The following RABEP2 variants were observed in gnomAD, a reference collection of about 807,000 sequenced individuals.
RABEP2 encodes rab GTPase-binding effector protein 2.
Under a neutral mutation model 74.1 loss-of-function variants are expected in RABEP2, and 57 were observed. The ratio of observed to expected loss-of-function variants is 0.77; its 90% CI spans 0.62 to 0.96. RABEP2 has a LOEUF of 0.96. RABEP2 is among the 40% of genes least tolerant of loss of function. The pLI is 0.00. For missense variants in RABEP2, 692 were observed against 756.3 expected (o/e 0.91, Z 1.00); for synonymous variants, 351 against 344.0 (o/e 1.02, Z -0.23).
At chr16:28,920,382 T>C (rs1018257553) in intron 2 of RABEP2, among the ~76,000 whole-genome samples, 1 of 148,778 alleles carries the variant, frequency 6.7e-6, no homozygotes. Context: ...ATTATTATTA[T>C]TATTATTATT....
intron 5 of RABEP2, among the ~76,000 whole-genome samples, chr16:28,912,469 C>T (rs901606395): frequency 2.8e-5 from 4 of 145,322 alleles, no homozygotes; most frequent in African/African-American, 7.8e-5. Context: ...AGTGCAGTGG[C>T]GCACGATCTC....
chr16:28,925,050 G>A, intron 1 of RABEP2, 53 bp downstream of exon 1: 2 of 1,533,526 alleles, frequency 1.3e-6, no homozygotes, highest in Non-Finnish European at 1.8e-6. Context: ...GGCTGGCTCG[G>A]CCCCGCCCCC....
At chr16:28,911,856 G>A (rs763477909) in intron 5 of RABEP2, among the ~76,000 whole-genome samples, 4 of 152,092 alleles carry the variant, frequency 2.6e-5, no homozygotes, top group Non-Finnish European at 5.9e-5. Context: ...GGCTGAGGCA[G>A]GAGAATCGCT....
At chr16:28,905,943 C>A (rs1426815343) in intron 9 of RABEP2, 65 bp from the exon 10 acceptor site, 1 of 1,612,692 alleles carries the variant, frequency 6.2e-7, no homozygotes, top group African/African-American at 1.3e-5. Context: ...CTGCCCACGC[C>A]TGGGCCCCGG....
chr16:28,920,427 C>G (rs1467903869), intron 2 of RABEP2, among the ~76,000 whole-genome samples: 1 of 150,664 alleles, frequency 6.6e-6, no homozygotes, highest in African/African-American at 2.4e-5. Flanking sequence ...ACTCTGTCAC[C>G]CAGGCTGGGG....
chr16:28,912,406 C>CTTTTTT (rs58094012), intron 5 of RABEP2, among the ~76,000 whole-genome samples: 1 of 118,150 alleles, frequency 8.5e-6, no homozygotes, highest in Non-Finnish European at 1.7e-5. Flanking sequence ...TTCTTTCTTT[C>CTTTTTT]TTTTTTTTTT....
Position 28,919,847 on chromosome 16 carries a change from C to A in RABEP2, c.371G>T (p.Arg124Leu), listed in dbSNP as rs758567963. 1.2e-6 allele frequency: 2 copies of A among 1,611,776 alleles called. No individual in the cohort carries two copies. ...DCEEKERELG[R>L]LKQLLSRAYP... is the part of the protein sequence containing the mutation. ...GGCCCGGGACAGCAGCTGCTTCAGG[C>A]GGCCCAGCTCCCGCTCCTTCTCCTC... Residue 124 changes from arginine to leucine, a missense_variant, in exon 3 of 13, where the codon CGC (arginine) becomes CTC (leucine). Transcript: ENST00000358201.
At chr16:28,919,968 A>G (rs759233736) in intron 2 of RABEP2, 25 bp from the exon 3 acceptor site, 4 of 1,546,842 alleles carry the variant, frequency 2.6e-6, no homozygotes, top group Non-Finnish European at 2.6e-6. Context: ...GGAGGGTGGG[A>G]GAGAGGGAGG....
intron 7 of RABEP2, among the ~76,000 whole-genome samples, chr16:28,909,263 G>C (rs1013539631): frequency 7.9e-5 from 12 of 152,004 alleles, no homozygotes; most frequent in Admixed American, 6.6e-5. Context: ...TTTTAGTAGA[G>C]ACGGGGTTTC....
Position 28,914,569 on chromosome 16 carries a change from G to A in RABEP2, c.561C>T (p.Ala187=), listed in dbSNP as rs1964361350. Reference sequence around the variant, plus strand: ...ACTCCGTGGAGCCGTGCAGGGAAGGGGCATGCCGGGGACGTCTCTAGGGAA... The same window carrying A: ...ACTCCGTGGAGCCGTGCAGGGAAGGAGCATGCCGGGGACGTCTCTAGGGAA... ...IQEIQRRPRH[A]PSLHGSTELL... Residue 187 remains alanine, a synonymous_variant, in exon 5 of 13, where the codon GCC becomes GCT. Coordinates refer to ENST00000358201, the MANE Select transcript of RABEP2 (RefSeq NM_024816.3). 5.0e-6 allele frequency: 8 copies of A among 1,609,638 alleles called. No individual in the cohort carries two copies. Among genetic ancestry groups the A allele is most frequent in the East Asian group, 2.2e-5 (1 of 44,824 alleles).
intron 5 of RABEP2, among the ~76,000 whole-genome samples, chr16:28,913,005 C>T (rs1343274853): frequency 3.3e-5 from 5 of 151,942 alleles, no homozygotes; most frequent in African/African-American, 7.3e-5. Context: ...TCTTCTTGCC[C>T]GGGCTGGAGT....
Position 28,914,320 on chromosome 16 carries a change from G to A in RABEP2, c.810C>T (p.Gly270=), listed in dbSNP as rs752853347. Residue 270 remains glycine (G), a synonymous_variant, in exon 5 of 13, where the codon GGC becomes GGT. Transcript: ENST00000358201. The part of the protein sequence containing the change: ...QEETASLVST[G]TLVPEGIYLP... ...GGTAGATGCCCTCGGGAACCAGGGT[G>A]CCCGTAGACACCAGCGAGGCCGTCT... The A allele has an allele frequency of 3.1e-6, 5 of 1,613,236 alleles. No homozygotes were observed. In the South Asian group the frequency reaches 4.4e-5, roughly 14 times the overall value.
Position 28,905,377 on chromosome 16 carries a change from G to A in RABEP2, c.1608+20C>T, listed in dbSNP as rs149702191. On this transcript the variant is annotated intron_variant, in intron 12 of 12. Transcript: ENST00000358201. ...CCGGAGTGGAGCCAGCCAGCCTGGC[G>A]GGGCTGGGACAGGCCATACCTGCAG... 3.0e-4 allele frequency: 474 copies of A among 1,560,258 alleles called. 1 individual carries two copies. Among genetic ancestry groups the A allele is most frequent in the Middle Eastern group, 5.1e-4 (3 of 5,884 alleles).
chr16:28,922,729 GA>G (rs1222587754), intron 2 of RABEP2, among the ~76,000 whole-genome samples: 2 of 147,884 alleles, frequency 1.4e-5, no homozygotes, highest in African/African-American at 5.0e-5. Context: ...CATCTCAAAA[GA>G]AAAGAAAAAA....
rs1284405265 is a variant in RABEP2, at chr16:28,914,811, G to A, written c.433-29C>T. 1.9e-6 allele frequency: 3 copies of A among 1,600,258 alleles called. No homozygotes were observed. In the Admixed American group the frequency reaches 5.0e-5, roughly 27 times the overall value. ...GAGGGAGCGGGGTGTGGCAGCAATAGTTCCCCCTCCAAAGTGCTGAAGCCC... is the reference window on the plus strand; with the variant it reads ...GAGGGAGCGGGGTGTGGCAGCAATAATTCCCCCTCCAAAGTGCTGAAGCCC... On this transcript the variant is annotated intron_variant, in intron 3 of 12. Coordinates refer to ENST00000358201, the MANE Select transcript of RABEP2 (RefSeq NM_024816.3).
rs749050952 is a variant in RABEP2 at position 28,906,159 on chromosome 16, G to A, written c.1283C>T (p.Ala428Val). The change falls in exon 9 of 13, where the codon GCG (alanine) becomes GTG (valine). Residue 428 changes from alanine to valine, a missense_variant. Physicochemically the swap from Ala to Val is moderately conservative, Grantham distance 64. Coordinates refer to ENST00000358201, the MANE Select transcript of RABEP2 (RefSeq NM_024816.3). Reference protein sequence around the residue: ...QQLLCCTRQEARARLQAQEHG... With the variant: ...QQLLCCTRQEVRARLQAQEHG... ...CTCCTGGGCCTGCAGCCGGGCCCTCGCCTCTTGCCGCGTGCAGCACAGCAG... is the reference window on the plus strand; with the variant it reads ...CTCCTGGGCCTGCAGCCGGGCCCTCACCTCTTGCCGCGTGCAGCACAGCAG... 23 of 1,588,852 alleles carry A rather than the reference G, an allele frequency of 1.4e-5. No individual in the cohort carries two copies. The highest frequency in any genetic ancestry group is 5.3e-5 in the Admixed American group (3 of 56,214).
Position 28,919,816 on chromosome 16 carries a change from G to T in RABEP2, c.402C>A (p.Pro134=), listed in dbSNP as rs1291121737. The change falls in exon 3 of 13, where the codon CCC becomes CCA. Residue 134 remains proline (P), a synonymous_variant. Coordinates refer to ENST00000358201, the MANE Select transcript of RABEP2 (RefSeq NM_024816.3). ...RLKQLLSRAY[P]LDSLEKQMEK... is the part of the protein sequence containing the mutation. ...CCATCTGCTTCTCCAGGGAGTCCAG[G>T]GGGTAGGCCCGGGACAGCAGCTGCT... The T allele has an allele frequency of 4.3e-6, 7 of 1,610,960 alleles. No homozygotes were observed. Among genetic ancestry groups the T allele is most frequent in the Non-Finnish European group, 5.9e-6 (7 of 1,178,288 alleles).
intron 2 of RABEP2, among the ~76,000 whole-genome samples, chr16:28,922,535 C>T (rs1358669962): frequency 6.6e-6 from 1 of 151,966 alleles, no homozygotes; most frequent in African/African-American, 2.4e-5. Context: ...TCCTGGCTAA[C>T]ACAGTGAAAC....
At position 28,919,960 on chromosome 16, in the gene RABEP2, AGGGT is replaced by A; in HGVS notation, c.275-21_275-18del. 1 of 572,914 alleles carries A rather than the reference AGGGT, an allele frequency of 1.7e-6. No homozygotes were observed. Among genetic ancestry groups the A allele is most frequent in the Non-Finnish European group, 3.0e-6 (1 of 333,156 alleles). The allele number at this position is 572,914 out of a possible 1,614,324, so 35.5% of individuals were successfully genotyped here. ...TGATGGAGTCTGGTGGGGGAGAGGG[AGGGT>A]GGGAGAGAGGGAGGGTCAATGAGCC... On this transcript the variant is annotated intron_variant, in intron 2 of 12. Transcript: ENST00000358201.
Sources: gnomAD v4.1 joint callset for allele counts (sites outside exome capture counted in the v4.1 genomes callset) on GRCh38, gnomAD v4.1.1 for gene constraint, MANE v1.5 for transcripts, NCBI Gene and HGNC (gene_info 2026-07-23, HGNC 2026-07-21) for gene names.